Variants in BBX observed in about 807,000 individuals in gnomAD.
BBX encodes HMG box transcription factor BBX.
Under a neutral mutation model 100.2 loss-of-function variants are expected in BBX, and 30 were observed. The ratio of observed to expected loss-of-function variants is 0.30; its 90% CI spans 0.22 to 0.41. BBX has a LOEUF of 0.41. Among genes scored for constraint, BBX ranks in the 10% least tolerant of loss-of-function variants. The pLI is 1.00. For synonymous variants in BBX, 376 were observed against 388.1 expected (o/e 0.97, Z 0.37); for missense variants, 1,023 against 1,129.8 (o/e 0.91, Z 1.35).
At chr3:107,767,583 T>C (rs72943028) in intron 10 of BBX, among the ~76,000 whole-genome samples, 6,619 of 152,252 alleles carry the variant, frequency 0.043, 438 homozygotes, top group African/African-American at 0.15. Flanking sequence ...TTCACTTTAA[T>C]TTTTAAAAAG....
intron 2 of BBX, among the ~76,000 whole-genome samples, chr3:107,577,996 G>T (rs551655771): frequency 6.6e-6 from 1 of 152,306 alleles, no homozygotes; most frequent in East Asian, 1.9e-4. Flanking sequence ...TGACACACTT[G>T]TTTTAATGAA....
chr3:107,566,612 A>G (rs185815345), intron 2 of BBX, among the ~76,000 whole-genome samples: 46 of 122,152 alleles, frequency 3.8e-4, no homozygotes, highest in Middle Eastern at 9.0e-3. Context: ...TATTTTTCCT[A>G]TGGTGGTTTT....
chr3:107,638,142 G>C (rs1576116214), intron 2 of BBX, among the ~76,000 whole-genome samples: 1 of 152,114 alleles, frequency 6.6e-6, no homozygotes, highest in Admixed American at 6.5e-5. Flanking sequence ...GTCTCGAACT[G>C]CTGGAATCAA....
Position 107,790,642 on chromosome 3 carries a change from G to A in BBX, c.2294-598G>A, listed in dbSNP as rs181612599. Among the ~76,000 whole-genome samples, 118 of 152,208 alleles carry A rather than the reference G, an allele frequency of 7.8e-4. 1 individual carries two copies. Among genetic ancestry groups the A allele is most frequent in the Non-Finnish European group, 9.7e-4 (66 of 68,002 alleles). On this transcript the variant is annotated intron_variant, in intron 14 of 17. Transcript: ENST00000325805. ...AGTGCAGCCAAGTATTCTGTAGGTC[G>A]GGTTTTCTTTAGCATCTCCCTGCAT...
At chr3:107,544,755 C>T (rs1030806006) in intron 2 of BBX, among the ~76,000 whole-genome samples, 2 of 150,762 alleles carry the variant, frequency 1.3e-5, no homozygotes, top group African/African-American at 4.9e-5. Flanking sequence ...TCTGTAGTCC[C>T]AGCACTTTGG....
chr3:107,639,317 C>A (rs1037411073), intron 2 of BBX, among the ~76,000 whole-genome samples: 1 of 152,182 alleles, frequency 6.6e-6, no homozygotes, highest in African/African-American at 2.4e-5. Flanking sequence ...ATTTGCAGAA[C>A]CCCTTCCTGA....
At chr3:107,755,928 G>C (rs914790916) in intron 10 of BBX, among the ~76,000 whole-genome samples, 2 of 152,098 alleles carry the variant, frequency 1.3e-5, no homozygotes, top group Non-Finnish European at 2.9e-5. Context: ...TTAAAATAAG[G>C]TTACTTAGAT....
intron 2 of BBX, among the ~76,000 whole-genome samples, chr3:107,545,035 A>T (rs774422117): frequency 5.0e-4 from 76 of 152,066 alleles, no homozygotes; most frequent in Middle Eastern, 3.4e-3. Context: ...AAAATTTTTT[A>T]AAAAGTAATA....
intron 5 of BBX, among the ~76,000 whole-genome samples, chr3:107,724,908 T>C (rs549407988): frequency 6.6e-6 from 1 of 152,314 alleles, no homozygotes; most frequent in South Asian, 2.1e-4. Flanking sequence ...TTTGGTGCCA[T>C]ATGAACTTTA....
At chr3:107,730,931 A>G (rs1164167247) in intron 6 of BBX, among the ~76,000 whole-genome samples, 1 of 152,146 alleles carries the variant, frequency 6.6e-6, no homozygotes, top group Non-Finnish European at 1.5e-5. Flanking sequence ...AGGGCCTCTA[A>G]ATGCCAGATT....
chr3:107,764,734 T>G (rs1288605741), intron 10 of BBX, among the ~76,000 whole-genome samples: 1 of 152,248 alleles, frequency 6.6e-6, no homozygotes, highest in Non-Finnish European at 1.5e-5. Flanking sequence ...TTTCAAAGCC[T>G]GATTAATAAC....
At chr3:107,797,147 A>G (rs1178273078) in intron 15 of BBX, among the ~76,000 whole-genome samples, 1 of 151,786 alleles carries the variant, frequency 6.6e-6, no homozygotes, top group Non-Finnish European at 1.5e-5. Flanking sequence ...AGGTGCCATG[A>G]TTTCCAGGAC....
At chr3:107,763,344 C>G (rs2066071823) in intron 10 of BBX, among the ~76,000 whole-genome samples, 1 of 152,030 alleles carries the variant, frequency 6.6e-6, no homozygotes, top group African/African-American at 2.4e-5. Flanking sequence ...CCTGCCTCAG[C>G]CTCCCTTACT....
At chr3:107,779,924 A>T (rs2067698336) in intron 13 of BBX, among the ~76,000 whole-genome samples, 1 of 152,116 alleles carries the variant, frequency 6.6e-6, no homozygotes, top group South Asian at 2.1e-4. Flanking sequence ...TTTTAGAATT[A>T]GCTCAGTTTT....
chr3:107,688,502 G>C (rs904993338), intron 3 of BBX, among the ~76,000 whole-genome samples: 1 of 152,150 alleles, frequency 6.6e-6, no homozygotes. Context: ...TTAATAATGG[G>C]ACAAATTGAG....
At chr3:107,616,620 A>G (rs1280641735) in intron 2 of BBX, among the ~76,000 whole-genome samples, 1 of 151,822 alleles carries the variant, frequency 6.6e-6, no homozygotes, top group Non-Finnish European at 1.5e-5. Context: ...TGGCAATCTC[A>G]TTGTGGTTTG....
chr3:107,795,553 G>T (rs1392182479), intron 15 of BBX, among the ~76,000 whole-genome samples: 2 of 149,220 alleles, frequency 1.3e-5, no homozygotes, highest in African/African-American at 2.5e-5. Context: ...GTTTAGAGGA[G>T]ACCTCTGGTT....
At chr3:107,774,646 C>A in intron 11 of BBX, 73 bp from the exon 12 acceptor site, 1 of 1,495,950 alleles carries the variant, frequency 6.7e-7, no homozygotes, top group Non-Finnish European at 9.1e-7. Flanking sequence ...AGAGGTTGCT[C>A]GTGAAGCAAC....
intron 16 of BBX, among the ~76,000 whole-genome samples, chr3:107,799,167 C>A (rs1396614980): frequency 6.6e-6 from 1 of 151,492 alleles, no homozygotes; most frequent in Non-Finnish European, 1.5e-5. Context: ...AAAACAACAA[C>A]AACAAACACA....
Sources: gnomAD v4.1 joint callset for allele counts (sites outside exome capture counted in the v4.1 genomes callset) on GRCh38, gnomAD v4.1.1 for gene constraint, MANE v1.5 for transcripts, NCBI Gene and HGNC (gene_info 2026-07-23, HGNC 2026-07-21) for gene names.